SHLD2: variants seen among roughly 807,000 people sequenced by gnomAD.
SHLD2 encodes RINN1-REV7-interacting novel NHEJ regulator 2.
A neutral mutation model predicts 73.2 loss-of-function variants in SHLD2; 30 were observed. That is an observed-to-expected ratio of 0.41 (90% CI 0.31 to 0.56). The LOEUF is 0.56. SHLD2 is among the 20% of genes least tolerant of loss of function. SHLD2 has a pLI of 0.28. For missense variants in SHLD2, 745 were observed against 1,055.9 expected (o/e 0.71, Z 4.08); for synonymous variants, 285 against 370.1 (o/e 0.77, Z 2.64).
In SHLD2 at chr10:87,115,039, A is replaced by G. The variant is rs190616783; in HGVS notation, c.-6+18050A>G. On this transcript the variant is annotated intron_variant, in intron 2 of 9. Transcript: ENST00000298786. ...CTCAGGAAAGATGTGGACCAGAGTT[A>G]TAAGTCATATTTATTTATTTATTTA... Among the ~76,000 whole-genome samples the G allele has an allele frequency of 7.7e-3, 1,165 of 152,076 alleles. 13 individuals are homozygous for G. Among genetic ancestry groups the G allele is most frequent in the African/African-American group, 0.027 (1,141 of 41,502 alleles).
At chr10:87,135,096 G>C (rs1021424740) in intron 2 of SHLD2, among the ~76,000 whole-genome samples, 1 of 151,890 alleles carries the variant, frequency 6.6e-6, no homozygotes, top group African/African-American at 2.4e-5. Context: ...AGATAGTATA[G>C]AGAGTTCCCA....
chr10:87,157,967 A>G (rs572930536), intron 3 of SHLD2, 81 bp from the exon 4 acceptor site: 4 of 1,181,996 alleles, frequency 3.4e-6, no homozygotes, highest in African/African-American at 1.5e-5. Flanking sequence ...GGAGGCATGC[A>G]TAGTATTTTG....
intron 2 of SHLD2, among the ~76,000 whole-genome samples, chr10:87,137,424 A>T (rs1043524603): frequency 3.3e-5 from 5 of 152,096 alleles, no homozygotes; most frequent in Non-Finnish European, 7.4e-5. Flanking sequence ...AAAGAAAAAT[A>T]TACTAGCAGA....
At chr10:87,094,948 G>T (rs886047381), upstream of SHLD2, 4 of 303,218 alleles carry the variant, frequency 1.3e-5, no homozygotes, top group East Asian at 1.3e-4. The surrounding 1 kb of genome is among the most constrained non-coding windows in gnomAD (Gnocchi z 6.6). Flanking sequence ...GGACTTCGGG[G>T]ACAGGGCGCC....
chr10:87,121,798 C>T (rs1392008840), intron 2 of SHLD2, among the ~76,000 whole-genome samples: 2 of 142,434 alleles, frequency 1.4e-5, no homozygotes, highest in Admixed American at 1.4e-4. Flanking sequence ...ATAGTCTCGT[C>T]CTGATGGCCA....
intron 5 of SHLD2, 25 bp from the exon 6 acceptor site, chr10:87,170,815 T>G: frequency 6.2e-7 from 1 of 1,612,428 alleles, no homozygotes; most frequent in African/African-American, 1.3e-5. Flanking sequence ...TAATGCCAAC[T>G]AAGGTACTCA....
At chr10:87,161,572 T>C (rs1846820285) in intron 4 of SHLD2, among the ~76,000 whole-genome samples, 2 of 152,126 alleles carry the variant, frequency 1.3e-5, no homozygotes, top group South Asian at 4.1e-4. Context: ...ACAAGAAATA[T>C]GCAAAGCCTA....
chr10:87,154,977 C>T (rs1846299348), intron 3 of SHLD2, among the ~76,000 whole-genome samples: 1 of 152,144 alleles, frequency 6.6e-6, no homozygotes, highest in Non-Finnish European at 1.5e-5. Context: ...CTCTGGCACC[C>T]AGGCTGGAGT....
intron 2 of SHLD2, among the ~76,000 whole-genome samples, chr10:87,128,917 T>C (rs3129400): frequency 0.32 from 48,161 of 151,832 alleles, 8,328 homozygotes; most frequent in East Asian, 0.74. Context: ...TTTTTGTTTG[T>C]TTTTTGAGAC....
At chr10:87,126,870 A>G (rs1363907658) in intron 2 of SHLD2, among the ~76,000 whole-genome samples, 2 of 152,242 alleles carry the variant, frequency 1.3e-5, no homozygotes, top group Non-Finnish European at 2.9e-5. Flanking sequence ...CTTACTCATT[A>G]TTATTCCTTA....
chr10:87,113,083 T>C (rs1843030830), intron 2 of SHLD2, among the ~76,000 whole-genome samples: 1 of 152,188 alleles, frequency 6.6e-6, no homozygotes, highest in African/African-American at 2.4e-5. Context: ...CCCAGCACTT[T>C]GGGAGGCCGA....
At chr10:87,099,297 T>A (rs745886922) in intron 2 of SHLD2, among the ~76,000 whole-genome samples, 6 of 152,224 alleles carry the variant, frequency 3.9e-5, no homozygotes, top group Non-Finnish European at 5.9e-5. Context: ...TAGAAAAACA[T>A]AGCATATAAA....
intron 2 of SHLD2, among the ~76,000 whole-genome samples, chr10:87,148,418 G>A (rs1281580189): frequency 6.6e-6 from 1 of 152,184 alleles, no homozygotes; most frequent in Admixed American, 6.5e-5. Context: ...GGTAGTAAAA[G>A]TATTGAAAAC....
intron 2 of SHLD2, among the ~76,000 whole-genome samples, chr10:87,130,511 C>T (rs1034926841): frequency 8.6e-5 from 13 of 151,986 alleles, no homozygotes; most frequent in African/African-American, 2.9e-4. Flanking sequence ...GTGGGAAAAG[C>T]GTAGTAACCT....
chr10:87,145,182 CCGCCCTCCT>C (rs1269749541), intron 2 of SHLD2, among the ~76,000 whole-genome samples: 1 of 152,100 alleles, frequency 6.6e-6, no homozygotes, highest in African/African-American at 2.4e-5. Flanking sequence ...ACCTCGTGAT[CCGCCCTCCT>C]CAGCCTCCCA....
At chr10:87,124,867 C>T (rs1843883576) in intron 2 of SHLD2, among the ~76,000 whole-genome samples, 1 of 151,528 alleles carries the variant, frequency 6.6e-6, no homozygotes, top group South Asian at 2.1e-4. Flanking sequence ...ACCTCAGCCT[C>T]CTGAGTAGCT....
chr10:87,132,713 G>A (rs1274820705), intron 2 of SHLD2, among the ~76,000 whole-genome samples: 2 of 152,270 alleles, frequency 1.3e-5, no homozygotes, highest in East Asian at 1.9e-4. Context: ...GGTCAAGGCT[G>A]TGGTGAGCCG....
intron 2 of SHLD2, among the ~76,000 whole-genome samples, chr10:87,125,336 A>G (rs1843917967): frequency 6.6e-6 from 1 of 152,182 alleles, no homozygotes; most frequent in Non-Finnish European, 1.5e-5. Context: ...GTAATGTAAA[A>G]TTAAGGGACT....
intron 2 of SHLD2, among the ~76,000 whole-genome samples, chr10:87,110,793 A>T (rs1264190859): frequency 6.6e-6 from 1 of 151,718 alleles, no homozygotes; most frequent in African/African-American, 2.4e-5. Flanking sequence ...TTTCTTAAAT[A>T]TGACTCCAAA....
Sources: gnomAD v4.1 joint callset for allele counts (sites outside exome capture counted in the v4.1 genomes callset) on GRCh38, gnomAD v4.1.1 for gene constraint, Gnocchi (gnomAD v3.1) non-coding constraint, MANE v1.5 for transcripts, NCBI Gene and HGNC (gene_info 2026-07-23, HGNC 2026-07-21) for gene names.